The following KIAA1217 variants were observed in gnomAD, a reference collection of about 807,000 sequenced individuals.
The protein encoded by KIAA1217 is sickle tail protein homolog.
KIAA1217 carries 88 observed loss-of-function variants against 163.9 expected under a neutral mutation model. The observed-to-expected ratio is 0.54, with a 90% CI of 0.45 to 0.64. The LOEUF (loss-of-function observed/expected upper bound fraction) is 0.64, where lower values mean the gene tolerates loss of function less well. Among genes scored for constraint, KIAA1217 ranks in the 30% least tolerant of loss-of-function variants. The probability of loss-of-function intolerance (pLI) is 0.00; values close to 1 mark genes in which losing one functional copy is unlikely to be tolerated. For missense variants in KIAA1217, 2,372 were observed against 2,475.0 expected (o/e 0.96, Z 0.88); for synonymous variants, 903 against 923.1 (o/e 0.98, Z 0.39).
intron 2 of KIAA1217, among the ~76,000 whole-genome samples, chr10:24,376,528 T>A (rs1018217329): frequency 6.6e-6 from 1 of 152,222 alleles, no homozygotes; most frequent in Admixed American, 6.5e-5. Flanking sequence ...TTTGGGAGAC[T>A]GAGATGAAAG....
chr10:24,190,714 T>C (rs1459947899), intron 2 of KIAA1217, among the ~76,000 whole-genome samples: 2 of 152,170 alleles, frequency 1.3e-5, no homozygotes, highest in African/African-American at 4.8e-5. Flanking sequence ...AGTTATTTTC[T>C]TAACACCTTT....
chr10:24,295,546 G>A lies in KIAA1217; in HGVS notation c.354+75637G>A, dbSNP rs575312839. On this transcript the variant is annotated intron_variant, in intron 2 of 20. Transcript: ENST00000376454. Reference sequence around the variant, plus strand: ...TTCTCCCACTGCTCTGAGGACAGTTGTCATAAAGCTCAGTTCTAGACTTCT... The same window carrying A: ...TTCTCCCACTGCTCTGAGGACAGTTATCATAAAGCTCAGTTCTAGACTTCT... Among the ~76,000 whole-genome samples, 421 of 152,218 alleles carry A rather than the reference G, an allele frequency of 2.8e-3. 1 individual carries two copies. The highest frequency in any genetic ancestry group is 9.3e-3 in the African/African-American group (387 of 41,538).
At position 24,318,333 on chromosome 10, in the gene KIAA1217, C is replaced by T. The variant is rs982451096; in HGVS notation, c.355-62536C>T. On this transcript the variant is annotated intron_variant, in intron 2 of 20. Transcript: ENST00000376454. ...TGAGTAAAGCAGATTATCTTCTATACTGTGGAAGGCCTCATTCAATAAGTT... is the reference window on the plus strand; with the variant it reads ...TGAGTAAAGCAGATTATCTTCTATATTGTGGAAGGCCTCATTCAATAAGTT... Among the ~76,000 whole-genome samples the T allele has an allele frequency of 2.0e-5, 3 of 152,128 alleles. No homozygotes were observed. In the East Asian group the frequency reaches 5.8e-4, roughly 29 times the overall value.
chr10:24,234,399 C>A (rs986945423), intron 2 of KIAA1217, among the ~76,000 whole-genome samples: 2 of 152,102 alleles, frequency 1.3e-5, no homozygotes, highest in African/African-American at 2.4e-5. Flanking sequence ...TGCGGTGGCT[C>A]ATGCCTGTAA....
chr10:24,471,185 T>A (rs1394478412), intron 5 of KIAA1217, among the ~76,000 whole-genome samples: 1 of 152,186 alleles, frequency 6.6e-6, no homozygotes, highest in African/African-American at 2.4e-5. Context: ...ATCATCCACA[T>A]CATGGGGTCT....
At chr10:24,321,697 T>C (rs2044181207) in intron 2 of KIAA1217, among the ~76,000 whole-genome samples, 1 of 152,122 alleles carries the variant, frequency 6.6e-6, no homozygotes, top group South Asian at 2.1e-4. Context: ...ATTCCACTTG[T>C]ATGAAGTACT....
chr10:23,918,509 C>T (rs1363118501), intron 1 of KIAA1217, among the ~76,000 whole-genome samples: 2 of 152,098 alleles, frequency 1.3e-5, no homozygotes. Flanking sequence ...TGCTGGGTCA[C>T]AGCTGAGACC....
At chr10:24,427,203 C>G (rs1484504003) in intron 3 of KIAA1217, among the ~76,000 whole-genome samples, 1 of 152,014 alleles carries the variant, frequency 6.6e-6, no homozygotes, top group African/African-American at 2.4e-5. Context: ...GCACCTCCCC[C>G]TCCCACCCCA....
chr10:24,431,704 TTTGCATCACAC>T (rs1487383204), intron 3 of KIAA1217, among the ~76,000 whole-genome samples: 1 of 152,074 alleles, frequency 6.6e-6, no homozygotes, highest in African/African-American at 2.4e-5. Flanking sequence ...AAGCTTTCCT[TTTGCATCACAC>T]TTGCTAATAT....
At chr10:24,385,348 A>G (rs529719393) in intron 3 of KIAA1217, among the ~76,000 whole-genome samples, 13 of 152,324 alleles carry the variant, frequency 8.5e-5, no homozygotes, top group Admixed American at 3.9e-4. Context: ...AAATGGTGTT[A>G]AAAGACATGC....
At chr10:24,102,801 T>C (rs1236766180) in intron 2 of KIAA1217, among the ~76,000 whole-genome samples, 2 of 152,176 alleles carry the variant, frequency 1.3e-5, no homozygotes, top group East Asian at 1.9e-4. Context: ...ATGGGTGATA[T>C]GTTTGGCTGT....
At chr10:24,234,848 T>C (rs2072000535) in intron 2 of KIAA1217, among the ~76,000 whole-genome samples, 1 of 152,096 alleles carries the variant, frequency 6.6e-6, no homozygotes, top group African/African-American at 2.4e-5. Context: ...TCTTCTCTCT[T>C]AAATGTGGCT....
At chr10:23,885,393 T>C (rs1841127576) in intron 1 of KIAA1217, among the ~76,000 whole-genome samples, 1 of 151,898 alleles carries the variant, frequency 6.6e-6, no homozygotes, top group South Asian at 2.1e-4. Context: ...ACTGAAACTT[T>C]GTACTCTTTG....
At chr10:23,943,472 G>A (rs759013054) in intron 1 of KIAA1217, among the ~76,000 whole-genome samples, 1 of 152,146 alleles carries the variant, frequency 6.6e-6, no homozygotes, top group Non-Finnish European at 1.5e-5. Context: ...ATAAATAGAT[G>A]ATCTAAATAA....
At chr10:24,068,893 A>C (rs1369525807) in intron 2 of KIAA1217, among the ~76,000 whole-genome samples, 2 of 152,334 alleles carry the variant, frequency 1.3e-5, no homozygotes, top group Admixed American at 1.3e-4. Flanking sequence ...AAGTTTGTGC[A>C]TACTAGTTTC....
In KIAA1217 at chr10:24,513,582, A is replaced by G. The variant is rs1190453335; in HGVS notation, c.2177+148A>G. 5.7e-6 allele frequency: 4 copies of G among 702,696 alleles called. No individual in the cohort carries two copies. The East Asian group carries it at 1.1e-4, about 19-fold the overall frequency. The allele number at this position is 702,696 out of a possible 1,614,324, so 43.5% of individuals were successfully genotyped here. On this transcript the variant is annotated intron_variant, in intron 10 of 20. Coordinates refer to ENST00000376454, the MANE Select transcript of KIAA1217 (RefSeq NM_019590.5). Reference sequence around the variant, plus strand: ...AAGTTAGAGTTCTGCTGATGCTGGTATATGTGGACACTTCAGCACCTGTCC... The same window carrying G: ...AAGTTAGAGTTCTGCTGATGCTGGTGTATGTGGACACTTCAGCACCTGTCC...
At chr10:23,764,056 C>T (rs902237927) in intron 1 of KIAA1217, among the ~76,000 whole-genome samples, 1 of 151,904 alleles carries the variant, frequency 6.6e-6, no homozygotes, top group Non-Finnish European at 1.5e-5. Flanking sequence ...AGAATCTACC[C>T]ATCTGACAAA....
At position 23,861,423 on chromosome 10, in the gene KIAA1217, A is replaced by G. The variant is rs573322533; in HGVS notation, c.-320-145802A>G. On this transcript the variant is annotated intron_variant, in intron 1 of 18. Transcript: ENST00000376462. ...GAACTCCAAAGATGTCCATGCCCTG[A>G]TTCCTGGGAGCTGTGAATATGTTAC... 3.3e-5 allele frequency among the ~76,000 whole-genome samples: 5 copies of G among 152,306 alleles called. No homozygotes were observed. In the South Asian group the frequency reaches 1.0e-3, roughly 32 times the overall value.
At chr10:24,464,900 C>A (rs1020023349) in intron 5 of KIAA1217, among the ~76,000 whole-genome samples, 1 of 152,164 alleles carries the variant, frequency 6.6e-6, no homozygotes, top group Admixed American at 6.5e-5. Context: ...CCAGACCCTT[C>A]ACATACAGTC....
Sources: allele counts gnomAD v4.1 joint callset (sites outside exome capture counted in the v4.1 genomes callset), GRCh38; gene constraint gnomAD v4.1.1; transcripts MANE v1.5; gene names NCBI Gene and HGNC (gene_info 2026-07-23, HGNC 2026-07-21).